PTCRA: variants seen among roughly 807,000 people sequenced by gnomAD.
PTCRA encodes the protein pre T cell antigen receptor alpha, also known as pre T-cell antigen receptor alpha.
In PTCRA, 9 loss-of-function variants were observed where a neutral mutation model predicts 13.4. That is an observed-to-expected ratio of 0.67 (90% CI 0.41 to 1.18). The LOEUF is 1.18. Among genes scored for constraint, PTCRA ranks in the 50% most tolerant of loss-of-function variants. The pLI is 0.01. For synonymous variants in PTCRA, 153 were observed against 161.9 expected, an observed-to-expected ratio of 0.94 and a Z score of 0.42; for missense variants, 353 against 359.8, an observed-to-expected ratio of 0.98 and a Z score of 0.15.
chr6:42,923,954 A>C (rs989708785), intron 2 of PTCRA, among the ~76,000 whole-genome samples: 2 of 152,238 alleles, frequency 1.3e-5, no homozygotes, highest in African/African-American at 4.8e-5. Flanking sequence ...ACTTCCAAAG[A>C]ATGCTGCGAA....
At chr6:42,920,301 CAG>C (rs1393567184) in intron 1 of PTCRA, among the ~76,000 whole-genome samples, 1 of 150,788 alleles carries the variant, frequency 6.6e-6, no homozygotes, top group African/African-American at 2.4e-5. Flanking sequence ...GCCTGGGCGA[CAG>C]AGAGAGACTC....
chr6:42,919,693 G>C (rs1370980569), intron 1 of PTCRA, among the ~76,000 whole-genome samples: 2 of 75,192 alleles, frequency 2.7e-5, no homozygotes, highest in South Asian at 4.8e-4. Flanking sequence ...CTCCGGCCTG[G>C]GCAAGAGAGA....
chr6:42,923,824 C>G (rs1305309685), intron 2 of PTCRA, among the ~76,000 whole-genome samples: 4 of 152,182 alleles, frequency 2.6e-5, no homozygotes, highest in African/African-American at 9.7e-5. Flanking sequence ...GTTTCCCCCT[C>G]CATTGTATTT....
At chr6:42,923,967 C>T (rs1472351722) in intron 2 of PTCRA, among the ~76,000 whole-genome samples, 3 of 152,226 alleles carry the variant, frequency 2.0e-5, no homozygotes, top group Non-Finnish European at 2.9e-5. Flanking sequence ...GCTGCGAAGA[C>T]AGTCAGTTCC....
chr6:42,916,081 A>C lies in PTCRA; in HGVS notation c.12A>C (p.Thr4=), dbSNP rs138459529. 1.2e-6 allele frequency: 2 copies of C among 1,613,976 alleles called. No homozygotes were observed. Among genetic ancestry groups the C allele is most frequent in the Non-Finnish European group, 1.7e-6 (2 of 1,179,914 alleles). Reference sequence around the variant, plus strand: ...CTTCCGAGTGGGCCATGGCCGGTACATGGCTGCTACTTCTCCTGGCCCTTG... The same window carrying C: ...CTTCCGAGTGGGCCATGGCCGGTACCTGGCTGCTACTTCTCCTGGCCCTTG... MAG[T]WLLLLLALGC... is the part of the protein sequence containing the mutation. The change falls in exon 1 of 4, where the codon ACA becomes ACC. Residue 4 remains threonine (T), a synonymous_variant. Transcript: ENST00000304672.
At position 42,923,063 on chromosome 6, in the gene PTCRA, C is replaced by G. The variant is rs747651022; in HGVS notation, c.95C>G (p.Pro32Arg). Residue 32 changes from proline (P) to arginine (R), a missense_variant, in exon 2 of 4, where the codon CCA becomes CGA. Coordinates refer to ENST00000304672, the MANE Select transcript of PTCRA (RefSeq NM_138296.3). ...ACACCCTTTCCTTCTCTGGCCCCAC[C>G]AATCATGCTGCTGGTGGATGGAAAG... is the stretch of plus-strand genomic sequence containing the variant. ...GGTPFPSLAP[P>R]IMLLVDGKQQ... 1.9e-6 allele frequency: 3 copies of G among 1,614,258 alleles called. No homozygotes were observed. The highest frequency in any genetic ancestry group is 4.5e-5 in the East Asian group (2 of 44,894).
At chr6:42,917,642 C>G (rs1264410939) in intron 1 of PTCRA, among the ~76,000 whole-genome samples, 5 of 150,828 alleles carry the variant, frequency 3.3e-5, no homozygotes, top group Non-Finnish European at 7.4e-5. Context: ...CTCTGCCTCC[C>G]AGGTTCAAGC....
At chr6:42,919,144 T>C (rs539814916) in intron 1 of PTCRA, among the ~76,000 whole-genome samples, 8 of 151,682 alleles carry the variant, frequency 5.3e-5, no homozygotes, top group South Asian at 4.2e-4. Context: ...TACAGGCGCG[T>C]GCCACCACGC....
intron 1 of PTCRA, among the ~76,000 whole-genome samples, chr6:42,920,237 G>GT (rs1250568408): frequency 6.6e-6 from 1 of 151,052 alleles, no homozygotes; most frequent in African/African-American, 2.4e-5. Context: ...GGAGAATGGC[G>GT]TGAACCCGGG....
intron 1 of PTCRA, among the ~76,000 whole-genome samples, chr6:42,920,566 A>G (rs1421525463): frequency 6.6e-6 from 1 of 150,604 alleles, no homozygotes; most frequent in Non-Finnish European, 1.5e-5. Context: ...ATGGGACTAC[A>G]GGCGGCTGCC....
chr6:42,916,270 G>A, intron 1 of PTCRA, 143 bp downstream of exon 1: 1 of 780,072 alleles, frequency 1.3e-6, no homozygotes, highest in Non-Finnish European at 2.1e-6. Context: ...GGTCCCTCTG[G>A]GGAGGGGACC....
intron 3 of PTCRA, 190 bp downstream of exon 3, chr6:42,924,463 GTGAATCCTT>G: frequency 1.5e-6 from 1 of 645,714 alleles, no homozygotes; most frequent in Non-Finnish European, 2.8e-6. Context: ...TAAGATGGGG[GTGAATCCTT>G]TGACCCCAGC....
chr6:42,921,733 CAAA>C (rs371462556), intron 1 of PTCRA, among the ~76,000 whole-genome samples: 51 of 88,162 alleles, frequency 5.8e-4, no homozygotes, highest in South Asian at 2.5e-3. Context: ...CTTTTTTTTT[CAAA>C]AAAAAAAAAA....
Position 42,916,066 on chromosome 6 carries a change from G to T in PTCRA, c.-4G>T. ...GCTGGGTCCTGCCTCCTTCCGAGTG[G>T]GCCATGGCCGGTACATGGCTGCTAC... On this transcript the variant is annotated 5_prime_UTR_variant, in exon 1 of 4. Coordinates refer to ENST00000304672, the MANE Select transcript of PTCRA (RefSeq NM_138296.3). The T allele has an allele frequency of 6.2e-7, 1 of 1,613,772 alleles. No individual in the cohort carries two copies. The highest frequency in any genetic ancestry group is 8.5e-7 in the Non-Finnish European group (1 of 1,179,804).
At chr6:42,921,908 G>C (rs984545638) in intron 1 of PTCRA, among the ~76,000 whole-genome samples, 4 of 151,466 alleles carry the variant, frequency 2.6e-5, no homozygotes, top group East Asian at 2.0e-4. Context: ...GCTTGGTGGC[G>C]TGGGAACTTG....
intron 1 of PTCRA, among the ~76,000 whole-genome samples, chr6:42,920,274 C>T (rs567034684): frequency 8.0e-5 from 12 of 150,568 alleles, no homozygotes; most frequent in Admixed American, 8.0e-4. Context: ...GAGCCGAGAT[C>T]GCGCCACTGC....
intron 3 of PTCRA, 62 bp downstream of exon 3, chr6:42,924,335 G>A (rs768535039): frequency 3.4e-6 from 5 of 1,466,332 alleles, no homozygotes; most frequent in East Asian, 4.6e-5. Flanking sequence ...GGGCCCGGGG[G>A]GTGGGGCCTT....
At chr6:42,917,231 AT>A (rs869096140) in intron 1 of PTCRA, among the ~76,000 whole-genome samples, 2 of 125,692 alleles carry the variant, frequency 1.6e-5, no homozygotes, top group Non-Finnish European at 3.4e-5. Flanking sequence ...TATTATTATT[AT>A]TTATTTTTGA....
Position 42,925,148 on chromosome 6 carries a change from A to C in PTCRA, c.425-113A>C. On this transcript the variant is annotated intron_variant, in intron 3 of 3. Transcript: ENST00000304672. This position sits in a 1 kb window ranked among gnomAD's most constrained non-coding sequence, Gnocchi z 4.4. ...AGACACCGGGAAGGACTTTCCCTGG[A>C]GGAGGGGGTGAAGGGGACGGGCAAG... 7.2e-7 allele frequency: 1 copy of C among 1,380,622 alleles called. No individual in the cohort carries two copies. Among genetic ancestry groups the C allele is most frequent in the African/African-American group, 1.4e-5 (1 of 69,414 alleles). The allele number at this position is 1,380,622 out of a possible 1,614,324, so 85.5% of individuals were successfully genotyped here. A position where few individuals can be genotyped will look rare whatever the true frequency, so the allele number is the denominator to read the frequency against.
Sources: gnomAD v4.1 joint callset for allele counts (sites outside exome capture counted in the v4.1 genomes callset) on GRCh38, gnomAD v4.1.1 for gene constraint, Gnocchi (gnomAD v3.1) non-coding constraint, MANE v1.5 for transcripts, NCBI Gene and HGNC (gene_info 2026-07-23, HGNC 2026-07-21) for gene names.